SAXO1: variants seen among roughly 807,000 people sequenced by gnomAD.
SAXO1 encodes the protein 4930500O09Rik.
In SAXO1, 21 loss-of-function variants were observed where a neutral mutation model predicts 17.5. The observed-to-expected ratio is 1.20, with a 90% CI of 0.85 to 1.72. The LOEUF (loss-of-function observed/expected upper bound fraction) is 1.72. SAXO1 is among the 40% of genes most tolerant of loss of function. SAXO1 has a pLI of 0.00. For missense variants in SAXO1, 843 were observed against 596.0 expected (o/e 1.41, Z -4.32); for synonymous variants, 274 against 216.5 (o/e 1.27, Z -2.33).
intron 1 of SAXO1, among the ~76,000 whole-genome samples, chr9:19,007,145 G>A (rs535435625): frequency 9.9e-5 from 15 of 151,694 alleles, no homozygotes; most frequent in South Asian, 2.1e-4. Flanking sequence ...TCAAGAGATC[G>A]AGACCATCCT....
At chr9:18,996,686 G>A (rs981269706) in intron 1 of SAXO1, among the ~76,000 whole-genome samples, 2 of 152,100 alleles carry the variant, frequency 1.3e-5, no homozygotes, top group Admixed American at 6.5e-5. Context: ...AAATAGAAAC[G>A]TCATAACATG....
chr9:18,945,946 C>G (rs889773725), intron 2 of SAXO1, among the ~76,000 whole-genome samples: 2 of 152,090 alleles, frequency 1.3e-5, no homozygotes, highest in Non-Finnish European at 2.9e-5. Context: ...AGCTAAAAGG[C>G]AGATCTTTTA....
At chr9:18,989,625 G>T (rs1035356931) in intron 1 of SAXO1, among the ~76,000 whole-genome samples, 1 of 151,360 alleles carries the variant, frequency 6.6e-6, no homozygotes, top group East Asian at 1.9e-4. Flanking sequence ...GTACTTTCAG[G>T]CTTTTAAAAA....
chr9:18,935,458 G>C (rs1334571612), intron 3 of SAXO1, among the ~76,000 whole-genome samples: 2 of 152,178 alleles, frequency 1.3e-5, no homozygotes, highest in East Asian at 3.9e-4. Context: ...GGGATGATAA[G>C]TTGATAGATG....
chr9:18,975,847 T>C (rs1833127107), intron 1 of SAXO1, among the ~76,000 whole-genome samples: 3 of 151,848 alleles, frequency 2.0e-5, no homozygotes, highest in Admixed American at 6.6e-5. Context: ...GAGCGAAAAG[T>C]GAGACCCAAA....
chr9:18,962,093 G>T (rs777560652), intron 1 of SAXO1, among the ~76,000 whole-genome samples: 2 of 152,010 alleles, frequency 1.3e-5, no homozygotes, highest in African/African-American at 2.4e-5. Context: ...TTAAGATGGA[G>T]TTTTGCTCTT....
Position 18,941,800 on chromosome 9 carries a change from G to A in SAXO1, c.258C>T (p.Val86=). Residue 86 remains valine (V), a synonymous_variant, in exon 3 of 4, where the codon GTC becomes GTT. Coordinates refer to ENST00000380534, the MANE Select transcript of SAXO1 (RefSeq NM_153707.4). ...TCGGGACGAACTGGTCATACTGGTG[G>A]ACCTTCACTGGTGCCACTTTGTGAG... is the stretch of plus-strand genomic sequence containing the variant. ...FGPHKVAPVK[V]HQYDQFVPSE... 6.2e-7 allele frequency: 1 copy of A among 1,614,158 alleles called. No individual in the cohort carries two copies. The highest frequency in any genetic ancestry group is 8.5e-7 in the Non-Finnish European group (1 of 1,180,030).
intron 1 of SAXO1, among the ~76,000 whole-genome samples, chr9:19,020,266 T>C (rs1835166468): frequency 6.6e-6 from 1 of 152,138 alleles, no homozygotes; most frequent in Non-Finnish European, 1.5e-5. Flanking sequence ...TGATTTTTCA[T>C]CCCAAATGTA....
At chr9:19,033,323 G>C (rs890618201), upstream of SAXO1, 1 of 178,508 alleles carries the variant, frequency 5.6e-6, no homozygotes, top group African/African-American at 2.3e-5. Flanking sequence ...GTGAGGTCGG[G>C]AAGCTCCCAG....
Position 19,032,997 on chromosome 9 carries a change from C to CCAG in SAXO1, c.-92_-90dup. On this transcript the variant is annotated 5_prime_UTR_variant, in exon 1 of 4. Transcript: ENST00000380534. ...CCCAACCACCTGTCTTGGGGCACGC[C>CCAG]CAGGCTCGAGGGTCTTGGCAGGTGT... 2 of 1,397,510 alleles carry CCAG rather than the reference C, an allele frequency of 1.4e-6. No individual in the cohort carries two copies. The highest frequency in any genetic ancestry group is 2.7e-5 in the South Asian group (2 of 73,040). 86.6% of individuals were successfully genotyped at this position (1,397,510 alleles called of 1,614,324 possible). A position where few individuals can be genotyped will look rare whatever the true frequency, so the allele number is the denominator to read the frequency against.
chr9:18,934,990 G>C (rs775248009), intron 3 of SAXO1, among the ~76,000 whole-genome samples: 1 of 151,996 alleles, frequency 6.6e-6, no homozygotes, highest in African/African-American at 2.4e-5. Flanking sequence ...GCAGTGGCAC[G>C]ATCTCAGCTC....
intron 1 of SAXO1, among the ~76,000 whole-genome samples, chr9:19,029,144 C>T (rs746190753): frequency 6.6e-6 from 1 of 152,186 alleles, no homozygotes; most frequent in Non-Finnish European, 1.5e-5. Context: ...ACCTTTTTAT[C>T]CAGGCCTCTG....
At chr9:18,941,527 G>C (rs548985530) in intron 3 of SAXO1, 110 bp downstream of exon 3, 1 of 1,247,974 alleles carries the variant, frequency 8.0e-7, no homozygotes, top group East Asian at 2.4e-5. Context: ...CCCGTAGGAA[G>C]TAGTCTGCCA....
At chr9:18,981,315 A>G (rs181882320) in intron 1 of SAXO1, among the ~76,000 whole-genome samples, 8 of 152,324 alleles carry the variant, frequency 5.3e-5, no homozygotes, top group Admixed American at 5.2e-4. Flanking sequence ...TGTCTATTAA[A>G]TTTCAGAACT....
chr9:19,036,101 G>C (rs1458934546), upstream of SAXO1, among the ~76,000 whole-genome samples: 3 of 151,226 alleles, frequency 2.0e-5, no homozygotes, highest in African/African-American at 7.3e-5. Flanking sequence ...ACTGGGGCCT[G>C]GCGGGGGGTA....
chr9:19,029,809 C>A lies in SAXO1; in HGVS notation c.38+3062G>T, dbSNP rs563551474. On this transcript the variant is annotated intron_variant, in intron 1 of 3. Transcript: ENST00000380534. ...TTCATTTATTTAAATGAAATTGCCA[C>A]AGCTGGCTACCATACTGGACAGTAC... Among the ~76,000 whole-genome samples, 22 of 152,300 alleles carry A rather than the reference C, an allele frequency of 1.4e-4. No individual in the cohort carries two copies. In the South Asian group the frequency reaches 4.4e-3, roughly 30 times the overall value.
intron 1 of SAXO1, among the ~76,000 whole-genome samples, chr9:19,039,458 C>G (rs1256617790): frequency 6.6e-6 from 1 of 152,162 alleles, no homozygotes; most frequent in Admixed American, 6.5e-5. Context: ...TTGGATGTAC[C>G]TGTTTTATGT....
At chr9:18,932,658 A>G (rs1174239208) in intron 3 of SAXO1, among the ~76,000 whole-genome samples, 1 of 152,210 alleles carries the variant, frequency 6.6e-6, no homozygotes, top group Non-Finnish European at 1.5e-5. Context: ...GAACCTTCCA[A>G]TCCATGAACA....
chr9:19,017,390 A>T (rs1835023121), intron 1 of SAXO1, among the ~76,000 whole-genome samples: 1 of 152,218 alleles, frequency 6.6e-6, no homozygotes, highest in African/African-American at 2.4e-5. Context: ...AAAATAAAAG[A>T]TGAAAAAATA....
Sources: allele counts gnomAD v4.1 joint callset (sites outside exome capture counted in the v4.1 genomes callset), GRCh38; gene constraint gnomAD v4.1.1; transcripts MANE v1.5; gene names NCBI Gene and HGNC (gene_info 2026-07-23, HGNC 2026-07-21).